Variants in SH3TC2 observed in about 807,000 individuals in gnomAD.
SH3TC2 encodes the protein SH3 domain and tetratricopeptide repeats 2.
SH3TC2 carries 87 observed loss-of-function variants against 124.5 expected under a neutral mutation model. The ratio of observed to expected loss-of-function variants is 0.70; its 90% confidence interval spans 0.59 to 0.84. The LOEUF is 0.84. Among genes scored for constraint, SH3TC2 ranks in the 40% least tolerant of loss-of-function variants. The pLI is 0.00. For synonymous variants in SH3TC2, 634 were observed against 628.5 expected (o/e 1.01, Z -0.13); for missense variants, 1,536 against 1,566.4 (o/e 0.98, Z 0.33).
At chr5:149,035,979 A>G (rs189436601) in intron 8 of SH3TC2, 30 of 152,330 alleles carry the variant, frequency 2.0e-4, no homozygotes, top group African/African-American at 7.0e-4. Flanking sequence ...AACGGCAATG[A>G]CACAAACAAC....
chr5:149,024,666 C>A (rs1050084328), intron 12 of SH3TC2, among the ~76,000 whole-genome samples: 3 of 152,142 alleles, frequency 2.0e-5, no homozygotes, highest in African/African-American at 7.2e-5. Context: ...GGTTTCCTGG[C>A]CCTAATCCAG....
intron 12 of SH3TC2, among the ~76,000 whole-genome samples, chr5:149,023,664 A>G (rs923987511): frequency 1.2e-4 from 18 of 144,534 alleles, no homozygotes; most frequent in African/African-American, 4.7e-4. Flanking sequence ...GCTCACTGCA[A>G]CCTCACCTCC....
In SH3TC2 at chr5:148,988,308, T is replaced by A. The variant is rs1217693101; in HGVS notation, c.*16403A>T. Among the ~76,000 whole-genome samples, 2 of 152,174 alleles carry A rather than the reference T, an allele frequency of 1.3e-5. No homozygotes were observed. The highest frequency in any genetic ancestry group is 3.9e-4 in the East Asian group (2 of 5,188). On this transcript the variant is annotated 3_prime_UTR_variant, in exon 17 of 17. Transcript: ENST00000515425. Reference sequence around the variant, plus strand: ...CTGGTCTTGTAAAGCTGCCTTACTATCTAGTCCCCAAGATAGCCCCAAGTG... The same window carrying A: ...CTGGTCTTGTAAAGCTGCCTTACTAACTAGTCCCCAAGATAGCCCCAAGTG...
chr5:149,031,730 T>C (rs1224705034), intron 8 of SH3TC2, 43 bp from the exon 9 acceptor site: 4 of 1,612,058 alleles, frequency 2.5e-6, no homozygotes, highest in East Asian at 4.5e-5. Flanking sequence ...ACTGCAAGGC[T>C]TCAGACTCCA....
rs1367655032 is a variant in SH3TC2 at position 148,987,342 on chromosome 5, T to G, written c.*17369A>C. On this transcript the variant is annotated 3_prime_UTR_variant, in exon 17 of 17. Transcript: ENST00000515425. ...ACAAGAACTTTATAAGTTTTTTTCA[T>G]TGATCTATTGCTACAGCCTGGGGCA... is the stretch of plus-strand genomic sequence containing the variant. Among the ~76,000 whole-genome samples the G allele has an allele frequency of 6.6e-6, 1 of 152,244 alleles. No individual in the cohort carries two copies. The highest frequency in any genetic ancestry group is 1.5e-5 in the Non-Finnish European group (1 of 68,042).
Position 149,027,644 on chromosome 5 carries a change from A to G in SH3TC2, c.2088T>C (p.His696=). 5.0e-6 allele frequency: 8 copies of G among 1,614,228 alleles called. No homozygotes were observed. Among genetic ancestry groups the G allele is most frequent in the Non-Finnish European group, 6.8e-6 (8 of 1,180,032 alleles). The part of the protein sequence containing the change: ...PHLAVASVQQ[H]GIQSAQGMSL... ...ACATCCCTTGGGCACTCTGGATACC[A>G]TGTTGCTGGACAGAGGCCACTGCAA... Residue 696 remains histidine, a synonymous_variant, in exon 11 of 17, where the codon CAT becomes CAC. Coordinates refer to ENST00000515425, the MANE Select transcript of SH3TC2 (RefSeq NM_024577.4).
At chr5:149,010,539 C>T in intron 13 of SH3TC2, 147 bp from the exon 14 acceptor site, 1 of 1,057,548 alleles carries the variant, frequency 9.5e-7, no homozygotes, top group Non-Finnish European at 1.4e-6. Flanking sequence ...ACTCCTAGGG[C>T]TGGTAAGAGG....
chr5:149,050,708 C>A (rs1280785718), intron 2 of SH3TC2, among the ~76,000 whole-genome samples: 1 of 152,142 alleles, frequency 6.6e-6, no homozygotes, highest in Non-Finnish European at 1.5e-5. Context: ...GGGCTTATGG[C>A]TATACCACCC....
chr5:149,002,738 GTGAACCACCTGCATCAGGCTTGC>G lies in SH3TC2; in HGVS notation c.*1950_*1972del, dbSNP rs2127390786. On this transcript the variant is annotated 3_prime_UTR_variant, in exon 17 of 17. Coordinates refer to ENST00000515425, the MANE Select transcript of SH3TC2 (RefSeq NM_024577.4). ...TGTGGTTCACAGAAAAGGAGCAAGG[GTGAACCACCTGCATCAGGCTTGC>G]TTGAGTTGCTTTCTAAAAATGCATG... The G allele has an allele frequency of 6.6e-6, 1 of 152,280 alleles. No individual in the cohort carries two copies. The highest frequency in any genetic ancestry group is 2.1e-4 in the South Asian group (1 of 4,828). 9.4% of individuals were successfully genotyped at this position (152,280 alleles called of 1,614,324 possible).
intron 14 of SH3TC2, 40 bp from the exon 15 acceptor site, chr5:149,009,041 A>G (rs1445856759): frequency 1.2e-6 from 2 of 1,613,526 alleles, no homozygotes; most frequent in African/African-American, 2.7e-5. Context: ...CTAGCTAGGA[A>G]TCCTCAGTGC....
At position 149,054,225 on chromosome 5, in the gene SH3TC2, G is replaced by C. The variant is rs1225704851; in HGVS notation, c.53-1985C>G. Reference sequence around the variant, plus strand: ...TAAAGGAATAAAAAGAAAAAATATTGCTTCATCCTTAGAGATTCAGATTTT... The same window carrying C: ...TAAAGGAATAAAAAGAAAAAATATTCCTTCATCCTTAGAGATTCAGATTTT... On this transcript the variant is annotated intron_variant, in intron 1 of 16. Transcript: ENST00000515425. Among the ~76,000 whole-genome samples the C allele has an allele frequency of 3.9e-5, 6 of 152,142 alleles. No individual in the cohort carries two copies. The South Asian group carries it at 1.2e-3, about 32-fold the overall frequency.
At chr5:149,026,330 G>C (rs180728143) in intron 12 of SH3TC2, 2 of 573,794 alleles carry the variant, frequency 3.5e-6, no homozygotes, top group East Asian at 6.0e-5. Flanking sequence ...CTATAAGATA[G>C]ATGCCATTAT....
In SH3TC2 at chr5:149,052,246, G is replaced by C; in HGVS notation, c.53-6C>G. ...CTTGGAAGGAGTTTCTTTACCTGGA[G>C]AAGATGAAATAAAAGGTCATCTTAA... On this transcript the variant is annotated splice_region_variant and splice_polypyrimidine_tract_variant and intron_variant, in intron 1 of 16. Transcript: ENST00000515425. 6.3e-7 allele frequency: 1 copy of C among 1,592,048 alleles called. No individual in the cohort carries two copies. The highest frequency in any genetic ancestry group is 8.6e-7 in the Non-Finnish European group (1 of 1,160,034).
At chr5:149,006,722 G>T (rs1025295926) in intron 16 of SH3TC2, among the ~76,000 whole-genome samples, 159 bp downstream of exon 16, 2 of 152,164 alleles carry the variant, frequency 1.3e-5, no homozygotes, top group East Asian at 3.9e-4. Context: ...GAGCTTCCAT[G>T]TCCCCTGTAA....
chr5:149,037,396 T>A (rs181510064), intron 8 of SH3TC2, among the ~76,000 whole-genome samples: 1 of 140,612 alleles, frequency 7.1e-6, no homozygotes, highest in African/African-American at 2.8e-5. Flanking sequence ...CATTTCTACA[T>A]AGAAAAAAAA....
chr5:149,031,453 G>T, intron 9 of SH3TC2, 101 bp downstream of exon 9: 1 of 1,516,066 alleles, frequency 6.6e-7, no homozygotes, highest in South Asian at 1.1e-5. Context: ...CCAAATTCAT[G>T]AATAGGATTA....
Position 149,007,078 on chromosome 5 carries a change from C to T in SH3TC2, c.3479-1G>A. 1.2e-6 allele frequency: 2 copies of T among 1,614,068 alleles called. No homozygotes were observed. Among genetic ancestry groups the T allele is most frequent in the Non-Finnish European group, 1.7e-6 (2 of 1,179,966 alleles). ...GCCACCAGCTCTTGCCTCTGATCTC[C>T]TAAGAATTGGAAGACTGAGAGAGAT... On this transcript the variant is annotated splice_acceptor_variant, in intron 15 of 16. Coordinates refer to ENST00000515425, the MANE Select transcript of SH3TC2 (RefSeq NM_024577.4). LOFTEE classifies it high-confidence loss of function.
At chr5:149,052,023 A>G in intron 2 of SH3TC2, 119 bp downstream of exon 2, 1 of 783,392 alleles carries the variant, frequency 1.3e-6, no homozygotes, top group Non-Finnish European at 2.3e-6. Context: ...AGCAAATAGC[A>G]TAGTCAAAAT....
At chr5:149,040,708 C>T in intron 6 of SH3TC2, 31 bp from the exon 7 acceptor site, 1 of 1,594,010 alleles carries the variant, frequency 6.3e-7, no homozygotes, top group Non-Finnish European at 8.6e-7. Context: ...TTTGCAAACA[C>T]AGATTTCAAA....
Sources: gnomAD v4.1 joint callset for allele counts (sites outside exome capture counted in the v4.1 genomes callset) on GRCh38, gnomAD v4.1.1 for gene constraint, MANE v1.5 for transcripts, NCBI Gene and HGNC (gene_info 2026-07-23, HGNC 2026-07-21) for gene names.